BEST3: variants seen among roughly 807,000 people sequenced by gnomAD.
The protein encoded by BEST3 is bestrophin 3.
BEST3 carries 50 observed loss-of-function variants against 47.1 expected under a neutral mutation model. The ratio of observed to expected loss-of-function variants is 1.06; its 90% CI spans 0.85 to 1.34. The LOEUF (loss-of-function observed/expected upper bound fraction) is 1.34, where lower values mean the gene tolerates loss of function less well. BEST3 is among the 40% of genes most tolerant of loss of function. BEST3 has a pLI of 0.00. For missense variants in BEST3, 765 were observed against 817.0 expected (o/e 0.94, Z 0.78); for synonymous variants, 282 against 298.8 (o/e 0.94, Z 0.58).
At position 69,653,743 on chromosome 12, in the gene BEST3, C is replaced by G; in HGVS notation, c.*1164G>C. On this transcript the variant is annotated 3_prime_UTR_variant, in exon 10 of 10. Transcript: ENST00000330891. Reference sequence around the variant, plus strand: ...CGACAAACAGCTGTCCTGAGAGCTCCCTGGGAGGAGTACCAACATCCGATC... The same window carrying G: ...CGACAAACAGCTGTCCTGAGAGCTCGCTGGGAGGAGTACCAACATCCGATC... The G allele has an allele frequency of 1.0e-6, 1 of 985,384 alleles. No individual in the cohort carries two copies. The highest frequency in any genetic ancestry group is 1.2e-6 in the Non-Finnish European group (1 of 829,936). 61.0% of individuals were successfully genotyped at this position (985,384 alleles called of 1,614,324 possible).
At chr12:69,695,539 G>A (rs1231796894) in intron 2 of BEST3, among the ~76,000 whole-genome samples, 1 of 152,196 alleles carries the variant, frequency 6.6e-6, no homozygotes, top group African/African-American at 2.4e-5. Flanking sequence ...AGAGGTACCA[G>A]ATTGTTGCAG....
intron 4 of BEST3, among the ~76,000 whole-genome samples, chr12:69,681,784 G>A (rs1446987490): frequency 6.6e-6 from 1 of 151,944 alleles, no homozygotes; most frequent in Non-Finnish European, 1.5e-5. Context: ...GGGACTTTTA[G>A]AAAATACCAA....
Position 69,693,800 on chromosome 12 carries a change from C to G in BEST3, c.355G>C (p.Glu119Gln), listed in dbSNP as rs200468878. The change falls in exon 4 of 10, where the codon GAG (glutamate) becomes CAG (glutamine). Residue 119 changes from glutamate to glutamine, a missense_variant. By Grantham distance (29) the Glu-to-Gln change is conservative. Coordinates refer to ENST00000330891, the MANE Select transcript of BEST3 (RefSeq NM_032735.3). ...LISSSVHGSD[E>Q]HGRLLRRTLM... The stretch of plus-strand genomic sequence containing the variant: ...GTCCTTCTAAGCAGGCGCCCGTGCT[C>G]GTCGCTTCCGTGAACACTGCTAGAG... 1.9e-6 allele frequency: 3 copies of G among 1,614,022 alleles called. No individual in the cohort carries two copies. The highest frequency in any genetic ancestry group is 2.5e-6 in the Non-Finnish European group (3 of 1,180,032).
In BEST3 at chr12:69,689,863, C is replaced by T. The variant is rs1885844797; in HGVS notation, c.481+3811G>A. On this transcript the variant is annotated intron_variant, in intron 4 of 9. Coordinates refer to ENST00000330891, the MANE Select transcript of BEST3 (RefSeq NM_032735.3). ...GTAATTCATGACCCTCAAGCTGAAA[C>T]CTCGAATCCATCCTTTCTTAATTGC... Among the ~76,000 whole-genome samples, 2 of 152,210 alleles carry T rather than the reference C, an allele frequency of 1.3e-5. 1 individual carries two copies. Among genetic ancestry groups the T allele is most frequent in the South Asian group, 4.1e-4 (2 of 4,828 alleles).
chr12:69,667,796 T>G (rs1192165028), intron 9 of BEST3, among the ~76,000 whole-genome samples: 1 of 152,186 alleles, frequency 6.6e-6, no homozygotes, highest in Non-Finnish European at 1.5e-5. Context: ...TTTCTTTTCT[T>G]TTTTTGACTA....
At chr12:69,679,863 G>T (rs1290433756) in intron 4 of BEST3, among the ~76,000 whole-genome samples, 1 of 151,796 alleles carries the variant, frequency 6.6e-6, no homozygotes, top group East Asian at 1.9e-4. Flanking sequence ...TGTCTCCCCT[G>T]CCCCAAAAAA....
At chr12:69,682,081 C>CAAA (rs35331064) in intron 4 of BEST3, among the ~76,000 whole-genome samples, 30,579 of 102,008 alleles carry the variant, frequency 0.3, 5,237 homozygotes, top group East Asian at 0.48. Flanking sequence ...GACTCCGTCT[C>CAAA]AAAAAAAAAA....
chr12:69,688,854 C>T (rs1057246288), intron 4 of BEST3, among the ~76,000 whole-genome samples: 1 of 152,180 alleles, frequency 6.6e-6, no homozygotes, highest in African/African-American at 2.4e-5. Flanking sequence ...TCCTGGAGCC[C>T]ATTCCAGACC....
At chr12:69,684,867 G>C (rs545599026) in intron 4 of BEST3, among the ~76,000 whole-genome samples, 1 of 152,166 alleles carries the variant, frequency 6.6e-6, no homozygotes, top group African/African-American at 2.4e-5. Flanking sequence ...CATCATGCAG[G>C]GCAGGATGTC....
chr12:69,697,661 T>C lies in BEST3; in HGVS notation c.138A>G (p.Ile46Met). 1 of 1,597,366 alleles carries C rather than the reference T, an allele frequency of 6.3e-7. No individual in the cohort carries two copies. Residue 46 changes from isoleucine (I) to methionine (M), a missense_variant, in exon 2 of 10, where the codon ATA (isoleucine) becomes ATG (methionine). Physicochemically the swap from Ile to Met is conservative, Grantham distance 10. Transcript: ENST00000330891. ...AAGAAAAGTACCTGTATACCAAACT[T>C]ATTGCTGTATAAAGAACAGCAAAAA... The part of the protein sequence containing the change: ...FIVFAVLYTA[I>M]SLVYRLLLTG...
downstream of BEST3, among the ~76,000 whole-genome samples, chr12:69,648,915 C>T (rs1351264861): frequency 1.3e-5 from 2 of 152,196 alleles, no homozygotes; most frequent in African/African-American, 4.8e-5. Context: ...CAGAAAGACA[C>T]ATATAAAAGC....
intron 2 of BEST3, among the ~76,000 whole-genome samples, chr12:69,697,137 G>A (rs1886160324): frequency 6.6e-6 from 1 of 152,172 alleles, no homozygotes; most frequent in Non-Finnish European, 1.5e-5. Context: ...TGCTTTAGTT[G>A]AGGTACTGTT....
At position 69,653,643 on chromosome 12, in the gene BEST3, T is replaced by A. The variant is rs368040461; in HGVS notation, c.*1264A>T. The A allele has an allele frequency of 7.1e-6, 7 of 985,392 alleles. No individual in the cohort carries two copies. The African/African-American group carries it at 1.2e-4, about 17-fold the overall frequency. The allele number at this position is 985,392 out of a possible 1,614,324, so 61.0% of individuals were successfully genotyped here. A position where few individuals can be genotyped will look rare whatever the true frequency, so the allele number is the denominator to read the frequency against. On this transcript the variant is annotated 3_prime_UTR_variant, in exon 10 of 10. Transcript: ENST00000330891. The stretch of plus-strand genomic sequence containing the variant: ...GGGTTATTTTATTTCTAAAGCCATA[T>A]GTAGTCAAGTGCCATCATATGACAA...
chr12:69,675,177 T>C (rs1340597066), intron 7 of BEST3, among the ~76,000 whole-genome samples: 2 of 152,210 alleles, frequency 1.3e-5, no homozygotes, highest in Non-Finnish European at 2.9e-5. Context: ...TGGAGTGCAG[T>C]GGTGTGAACA....
At position 69,699,212 on chromosome 12, in the gene BEST3, T is replaced by G; in HGVS notation, c.-23A>C. Reference sequence around the variant, plus strand: ...TTTACTCTGGGCACTAACCTATTTATTTGGTTTGTAGTCTCCGACAGGAAA... The same window carrying G: ...TTTACTCTGGGCACTAACCTATTTAGTTGGTTTGTAGTCTCCGACAGGAAA... On this transcript the variant is annotated 5_prime_UTR_variant, in exon 1 of 10. Transcript: ENST00000330891. The G allele has an allele frequency of 1.0e-6, 1 of 985,026 alleles. No homozygotes were observed. The highest frequency in any genetic ancestry group is 4.7e-5 in the South Asian group (1 of 21,274). 61.0% of individuals were successfully genotyped at this position (985,026 alleles called of 1,614,324 possible). A position where few individuals can be genotyped will look rare whatever the true frequency, so the allele number is the denominator to read the frequency against.
chr12:69,654,278 C>A lies in BEST3; in HGVS notation c.*629G>T. 1.0e-6 allele frequency: 1 copy of A among 984,490 alleles called. No individual in the cohort carries two copies. Among genetic ancestry groups the A allele is most frequent in the African/African-American group, 1.7e-5 (1 of 57,166 alleles). The allele number at this position is 984,490 out of a possible 1,614,324, so 61.0% of individuals were successfully genotyped here. A position where few individuals can be genotyped will look rare whatever the true frequency, so the allele number is the denominator to read the frequency against. ...AGAAGGGAAGGGAAAAAAAGGATGA[C>A]AGAATAAAAGGAAAAGAGAGAAAAG... is the stretch of plus-strand genomic sequence containing the variant. On this transcript the variant is annotated 3_prime_UTR_variant, in exon 10 of 10. Transcript: ENST00000330891.
At chr12:69,674,300 C>A (rs1168529711) in intron 7 of BEST3, among the ~76,000 whole-genome samples, 1 of 152,122 alleles carries the variant, frequency 6.6e-6, no homozygotes, top group Non-Finnish European at 1.5e-5. Flanking sequence ...ACCTTGGCTG[C>A]ACATTAAAAT....
intron 7 of BEST3, 92 bp downstream of exon 7, chr12:69,676,824 A>G (rs1467833423): frequency 7.4e-7 from 1 of 1,353,818 alleles, no homozygotes; most frequent in African/African-American, 1.5e-5. Flanking sequence ...TGACTCACTC[A>G]TGAATGATTT....
intron 9 of BEST3, among the ~76,000 whole-genome samples, chr12:69,663,221 G>A (rs1883974556): frequency 6.6e-6 from 1 of 152,212 alleles, no homozygotes; most frequent in South Asian, 2.1e-4. Flanking sequence ...TGTGAAGACA[G>A]GCATTCTAAC....
Sources: allele counts gnomAD v4.1 joint callset (sites outside exome capture counted in the v4.1 genomes callset), GRCh38; gene constraint gnomAD v4.1.1; transcripts MANE v1.5; gene names NCBI Gene and HGNC (gene_info 2026-07-23, HGNC 2026-07-21).